The following WDR17 variants were observed in gnomAD, a reference collection of about 807,000 sequenced individuals.
WDR17 encodes WD repeat-containing protein 17.
A neutral mutation model predicts 161.7 loss-of-function variants in WDR17; 143 were observed. That is an observed-to-expected ratio of 0.88 (90% CI 0.77 to 1.02). The LOEUF is 1.02. Ranked by LOEUF, WDR17 falls within the 50% of genes least tolerant of loss-of-function variation. WDR17 has a pLI of 0.00. For missense variants in WDR17, 1,469 were observed against 1,520.9 expected, an observed-to-expected ratio of 0.97 and a Z score of 0.57; for synonymous variants, 517 against 515.6, an observed-to-expected ratio of 1.00 and a Z score of -0.04.
chr4:176,109,013 C>T (rs1739272351), intron 1 of WDR17, among the ~76,000 whole-genome samples: 1 of 152,104 alleles, frequency 6.6e-6, no homozygotes, highest in South Asian at 2.1e-4. Context: ...TCATCTTGAA[C>T]TCCTGGGTTC....
intron 1 of WDR17, among the ~76,000 whole-genome samples, chr4:176,095,216 G>A (rs1046043009): frequency 6.6e-6 from 1 of 152,158 alleles, no homozygotes; most frequent in Non-Finnish European, 1.5e-5. Flanking sequence ...GATAGGATAA[G>A]GCAGGCGATT....
chr4:176,120,810 C>T (rs903966882), intron 4 of WDR17, among the ~76,000 whole-genome samples: 33 of 150,122 alleles, frequency 2.2e-4, no homozygotes, highest in Non-Finnish European at 4.1e-4. Flanking sequence ...CTCAGGAACA[C>T]GATAACTACT....
At chr4:176,114,441 C>T (rs966346117) in intron 2 of WDR17, among the ~76,000 whole-genome samples, 48 of 152,038 alleles carry the variant, frequency 3.2e-4, no homozygotes, top group Non-Finnish European at 1.2e-4. Context: ...AAAAATTTTA[C>T]ATACAATGTT....
chr4:176,161,093 A>C (rs182733683), intron 20 of WDR17, 91 bp downstream of exon 20: 4 of 1,008,832 alleles, frequency 4.0e-6, no homozygotes, highest in Admixed American at 5.4e-5. Flanking sequence ...CCTTCTTTGT[A>C]TACTGATGAC....
chr4:176,096,485 G>A, intron 1 of WDR17: 1 of 1,569,072 alleles, frequency 6.4e-7, no homozygotes, highest in Admixed American at 1.8e-5. Context: ...CTGATGCCGA[G>A]TTTCCAATTG....
chr4:176,168,900 ACCT>A, intron 23 of WDR17, 117 bp downstream of exon 23: 1 of 1,177,084 alleles, frequency 8.5e-7, no homozygotes, highest in Non-Finnish European at 1.2e-6. Context: ...CCTTTGGGGT[ACCT>A]ACAAGTACAA....
In WDR17 at chr4:176,089,936, A is replaced by G. The variant is rs1369339262; in HGVS notation, c.-6-21639A>G. On this transcript the variant is annotated intron_variant, in intron 1 of 28. Transcript: ENST00000508596. ...GGAAATGAAGGTGTTCCATTTATGT[A>G]TAAGTGGAAACAAGCATAACTCGGA... Among the ~76,000 whole-genome samples the G allele has an allele frequency of 5.9e-5, 9 of 152,208 alleles. No homozygotes were observed. In the East Asian group the frequency reaches 1.4e-3, roughly 23 times the overall value.
intron 3 of WDR17, among the ~76,000 whole-genome samples, chr4:176,118,671 G>T (rs1336398676): frequency 6.6e-6 from 1 of 151,968 alleles, no homozygotes; most frequent in East Asian, 1.9e-4. Flanking sequence ...CTCCTTCTAG[G>T]TATAATTCAA....
At chr4:176,082,678 C>T (rs1420470778) in intron 1 of WDR17, among the ~76,000 whole-genome samples, 1 of 152,082 alleles carries the variant, frequency 6.6e-6, no homozygotes, top group African/African-American at 2.4e-5. Flanking sequence ...TTAATGCAAA[C>T]AATAAATCCC....
rs534865711 is a variant in WDR17 at position 176,085,148 on chromosome 4, AG to A, written c.-7+19071del. Among the ~76,000 whole-genome samples the A allele has an allele frequency of 3.9e-3, 590 of 152,234 alleles. 5 individuals carry two copies. Among genetic ancestry groups the A allele is most frequent in the African/African-American group, 0.013 (541 of 41,582 alleles). On this transcript the variant is annotated intron_variant, in intron 1 of 28. Transcript: ENST00000508596. ...TTTTCATACATAAAAAAAATCTGCT[AG>A]GATTTTTGATTAGGATTGAATTAAA...
chr4:176,080,135 T>C (rs1734555942), intron 1 of WDR17, among the ~76,000 whole-genome samples: 1 of 151,862 alleles, frequency 6.6e-6, no homozygotes, highest in Admixed American at 6.6e-5. Flanking sequence ...TATAGTCAGA[T>C]TGGTGGCCAT....
chr4:176,069,945 T>A (rs1047964216), intron 1 of WDR17, among the ~76,000 whole-genome samples: 22 of 152,204 alleles, frequency 1.4e-4, no homozygotes, highest in African/African-American at 5.3e-4. Context: ...TGACTTTTAA[T>A]GAAAAGAGTT....
At chr4:176,119,220 TAA>T (rs1364596589) in intron 3 of WDR17, among the ~76,000 whole-genome samples, 3 of 152,162 alleles carry the variant, frequency 2.0e-5, no homozygotes, top group African/African-American at 7.2e-5. Context: ...TACCTTTACA[TAA>T]ATGATTTTAT....
intron 25 of WDR17, among the ~76,000 whole-genome samples, chr4:176,173,719 G>C (rs908100012): frequency 7.9e-5 from 12 of 151,916 alleles, no homozygotes; most frequent in African/African-American, 2.9e-4. Flanking sequence ...GTTTTACCAT[G>C]TTGGCCAGGA....
intron 1 of WDR17, 119 bp from the exon 2 acceptor site, chr4:176,111,456 G>T (rs1340839409): frequency 9.1e-6 from 10 of 1,100,028 alleles, no homozygotes; most frequent in Admixed American, 2.8e-5. Flanking sequence ...AAAATTAATA[G>T]TACTAGTAAA....
intron 1 of WDR17, among the ~76,000 whole-genome samples, chr4:176,098,655 A>C (rs1464542219): frequency 6.6e-6 from 1 of 152,028 alleles, no homozygotes; most frequent in Non-Finnish European, 1.5e-5. Context: ...AATAATTATT[A>C]CATATCTTTT....
In WDR17 at chr4:176,151,986, A is replaced by G; in HGVS notation, c.2460+19A>G. 6.2e-7 allele frequency: 1 copy of G among 1,605,116 alleles called. No homozygotes were observed. The highest frequency in any genetic ancestry group is 1.1e-5 in the South Asian group (1 of 88,772). ...TGGAGAGGTAATGTGCTATGAAAGT[A>G]AAACTAATGAGTTTAACATAGTAGT... On this transcript the variant is annotated intron_variant, in intron 17 of 28. Transcript: ENST00000508596.
chr4:176,121,377 G>C (rs1006653676), intron 4 of WDR17, among the ~76,000 whole-genome samples: 1 of 152,132 alleles, frequency 6.6e-6, no homozygotes, highest in African/African-American at 2.4e-5. Context: ...GTCTTCCTTA[G>C]TCTCAGGAAT....
intron 8 of WDR17, 102 bp from the exon 9 acceptor site, chr4:176,137,418 G>C: frequency 1.2e-6 from 1 of 830,624 alleles, no homozygotes; most frequent in Non-Finnish European, 1.9e-6. Flanking sequence ...TAAAGAACTA[G>C]TCTGCAAATC....
Sources: allele counts gnomAD v4.1 joint callset (sites outside exome capture counted in the v4.1 genomes callset), GRCh38; gene constraint gnomAD v4.1.1; transcripts MANE v1.5; gene names NCBI Gene and HGNC (gene_info 2026-07-23, HGNC 2026-07-21).